Variants in PEX14 observed in about 807,000 individuals in gnomAD.
PEX14 encodes the protein peroxisomal membrane protein PEX14.
Under a neutral mutation model 49.5 loss-of-function variants are expected in PEX14, and 15 were observed. The observed-to-expected ratio is 0.30, with a 90% confidence interval of 0.20 to 0.47. The LOEUF (loss-of-function observed/expected upper bound fraction) is 0.47, where lower values mean the gene tolerates loss of function less well. PEX14 is among the 20% of genes least tolerant of loss of function. The probability of loss-of-function intolerance (pLI) is 1.00; values close to 1 mark genes in which losing one functional copy is unlikely to be tolerated. For missense variants in PEX14, 398 were observed against 494.8 expected, an observed-to-expected ratio of 0.80 and a Z score of 1.86; for synonymous variants, 210 against 212.7, an observed-to-expected ratio of 0.99 and a Z score of 0.11.
chr1:10,599,666 C>T (rs1355362314), intron 4 of PEX14, among the ~76,000 whole-genome samples: 1 of 152,240 alleles, frequency 6.6e-6, no homozygotes, highest in East Asian at 1.9e-4. Flanking sequence ...TTCCCATCTC[C>T]TCATACCAGT....
intron 1 of PEX14, among the ~76,000 whole-genome samples, chr1:10,478,367 C>G (rs923802461): frequency 6.6e-6 from 1 of 152,108 alleles, no homozygotes; most frequent in Non-Finnish European, 1.5e-5. Context: ...GACTACTTGT[C>G]TAGTAAAGTT....
Position 10,539,867 on chromosome 1 carries a change from G to A in PEX14, c.169+3570G>A, listed in dbSNP as rs567921658. Among the ~76,000 whole-genome samples, 2 of 151,488 alleles carry A rather than the reference G, an allele frequency of 1.3e-5. No homozygotes were observed. The highest frequency in any genetic ancestry group is 6.8e-3 in the Middle Eastern group (2 of 294). On this transcript the variant is annotated intron_variant, in intron 3 of 8. Coordinates refer to ENST00000356607, the MANE Select transcript of PEX14 (RefSeq NM_004565.3). This position sits in a 1 kb window ranked among gnomAD's most constrained non-coding sequence, Gnocchi z 4.6. The stretch of plus-strand genomic sequence containing the variant: ...CTTGTGAGGGGGGTGAGGTGGGGGA[G>A]GGGGATAGAGTTGTCTGTTAACTTA...
chr1:10,500,704 A>G (rs1029681058), intron 2 of PEX14, among the ~76,000 whole-genome samples: 26 of 152,194 alleles, frequency 1.7e-4, no homozygotes, highest in African/African-American at 6.3e-4. Flanking sequence ...TCTCCTGAGT[A>G]TCTGGGACTA....
intron 3 of PEX14, among the ~76,000 whole-genome samples, chr1:10,541,316 A>C (rs924110612): frequency 6.6e-6 from 1 of 152,150 alleles, no homozygotes; most frequent in Non-Finnish European, 1.5e-5. Context: ...AGTGAGAGCT[A>C]CCAGGGGAGA....
At chr1:10,502,418 C>G (rs1641697838) in intron 2 of PEX14, among the ~76,000 whole-genome samples, 1 of 152,178 alleles carries the variant, frequency 6.6e-6, no homozygotes, top group Non-Finnish European at 1.5e-5. Flanking sequence ...CCTACTCTGT[C>G]CTTCCTATCA....
rs1300013577 is a variant in PEX14, at chr1:10,593,956, C to T, written c.170-5282C>T. 4.6e-5 allele frequency among the ~76,000 whole-genome samples: 7 copies of T among 152,132 alleles called. No homozygotes were observed. The East Asian group carries it at 7.7e-4, about 17-fold the overall frequency. On this transcript the variant is annotated intron_variant, in intron 3 of 8. Transcript: ENST00000356607. Reference sequence around the variant, plus strand: ...AACACACTAACTCATAAACAAGGCCCGGCTGGATCAGGTGGCACGGAATAA... The same window carrying T: ...AACACACTAACTCATAAACAAGGCCTGGCTGGATCAGGTGGCACGGAATAA...
intron 1 of PEX14, among the ~76,000 whole-genome samples, chr1:10,481,209 C>G (rs1641278573): frequency 6.7e-6 from 1 of 149,210 alleles, no homozygotes; most frequent in African/African-American, 2.5e-5. Context: ...GCAATCTTGG[C>G]TCACTACAAC....
At chr1:10,577,523 A>G (rs1640155548) in intron 3 of PEX14, among the ~76,000 whole-genome samples, 1 of 71,216 alleles carries the variant, frequency 1.4e-5, no homozygotes, top group Non-Finnish European at 2.8e-5. Flanking sequence ...AATTTTGGAC[A>G]CTATACATAT....
intron 3 of PEX14, among the ~76,000 whole-genome samples, chr1:10,552,951 G>A (rs1359646050): frequency 6.6e-6 from 1 of 152,206 alleles, no homozygotes; most frequent in Non-Finnish European, 1.5e-5. Flanking sequence ...CCACTAAGGC[G>A]AGAGATCGAG....
At position 10,566,288 on chromosome 1, in the gene PEX14, A is replaced by G. The variant is rs573730077; in HGVS notation, c.169+29991A>G. 5.3e-5 allele frequency among the ~76,000 whole-genome samples: 8 copies of G among 152,328 alleles called. No individual in the cohort carries two copies. In the South Asian group the frequency reaches 1.4e-3, roughly 28 times the overall value. On this transcript the variant is annotated intron_variant, in intron 3 of 8. Transcript: ENST00000356607. ...TTATTTCCGTATCTACAAATTGACTATTCAGGTATTTTACCCTTTCTTGGG... is the reference window on the plus strand; with the variant it reads ...TTATTTCCGTATCTACAAATTGACTGTTCAGGTATTTTACCCTTTCTTGGG...
intron 3 of PEX14, among the ~76,000 whole-genome samples, chr1:10,588,766 G>T (rs1332606629): frequency 6.6e-6 from 1 of 152,118 alleles, no homozygotes; most frequent in Admixed American, 6.5e-5. Context: ...ACGTGCAAGA[G>T]TAGTGATGCT....
intron 1 of PEX14, among the ~76,000 whole-genome samples, chr1:10,488,237 A>G (rs1641406064): frequency 6.6e-6 from 1 of 151,266 alleles, no homozygotes; most frequent in Non-Finnish European, 1.5e-5. Flanking sequence ...GCTCTCTACA[A>G]CCTCCGCCTC....
At chr1:10,544,910 C>T (rs769787280) in intron 3 of PEX14, among the ~76,000 whole-genome samples, 23 of 152,086 alleles carry the variant, frequency 1.5e-4, no homozygotes, top group Non-Finnish European at 2.2e-4. Context: ...CACAGGCACA[C>T]GCCACCAAAC....
At chr1:10,503,281 CAAAAAAAAAA>C (rs59342388) in intron 2 of PEX14, among the ~76,000 whole-genome samples, 1 of 75,490 alleles carries the variant, frequency 1.3e-5, no homozygotes, top group Non-Finnish European at 2.3e-5. Context: ...GACTCTGTCT[CAAAAAAAAAA>C]AAAAAAAAAA....
intron 4 of PEX14, among the ~76,000 whole-genome samples, chr1:10,605,591 G>A (rs1641102741): frequency 6.6e-6 from 1 of 152,240 alleles, no homozygotes; most frequent in Non-Finnish European, 1.5e-5. Context: ...CCCGGGGCCA[G>A]GGTGGCCTGT....
intron 2 of PEX14, among the ~76,000 whole-genome samples, chr1:10,504,515 G>A (rs1219148947): frequency 6.6e-6 from 1 of 152,144 alleles, no homozygotes; most frequent in Non-Finnish European, 1.5e-5. Context: ...TCTCCTGTTT[G>A]TGTGCAGAGT....
chr1:10,486,586 G>A (rs1179012416), intron 1 of PEX14, among the ~76,000 whole-genome samples: 1 of 151,864 alleles, frequency 6.6e-6, no homozygotes, highest in African/African-American at 2.4e-5. Context: ...GGAGGCTGAG[G>A]CAGGAGGATG....
At position 10,495,104 on chromosome 1, in the gene PEX14, C is replaced by G; in HGVS notation, c.37-170C>G. On this transcript the variant is annotated intron_variant, in intron 1 of 8. Coordinates refer to ENST00000356607, the MANE Select transcript of PEX14 (RefSeq NM_004565.3). This position sits in a 1 kb window ranked among gnomAD's most constrained non-coding sequence, Gnocchi z 4.2. ...CCCTGGTGAATTCAGACTCTTTGGG[C>G]TACTTTTTACAGGTAGTCCACTGCA... 3.0e-6 allele frequency: 3 copies of G among 984,940 alleles called. No individual in the cohort carries two copies. Among genetic ancestry groups the G allele is most frequent in the South Asian group, 4.7e-5 (1 of 21,276 alleles). The allele number at this position is 984,940 out of a possible 1,614,324, so 61.0% of individuals were successfully genotyped here.
chr1:10,629,942 G>T lies in PEX14; in HGVS notation c.1089G>T (p.Lys363Asn), dbSNP rs1179531192. 1 of 1,612,326 alleles carries T rather than the reference G, an allele frequency of 6.2e-7. No individual in the cohort carries two copies. The highest frequency in any genetic ancestry group is 2.2e-5 in the East Asian group (1 of 44,816). ...GDGQINEQVE[K>N]LRRPEGASNE... is the part of the protein sequence containing the mutation. ...GGCAGATCAACGAGCAGGTGGAGAA[G>T]CTGCGGCGGCCCGAGGGCGCCAGCA... Residue 363 changes from lysine (K) to asparagine (N), a missense_variant, in exon 9 of 9, where the codon AAG becomes AAT. This residue lies in a region of PEX14 where 140 missense variants were observed against 155.5 expected (regional missense o/e 0.90). Transcript: ENST00000356607. This position sits in a 1 kb window ranked among gnomAD's most constrained non-coding sequence, Gnocchi z 8.5.
Sources: gnomAD v4.1 joint callset for allele counts (sites outside exome capture counted in the v4.1 genomes callset) on GRCh38, gnomAD v4.1.1 for gene constraint, gnomAD v4.1.1 regional missense constraint, Gnocchi (gnomAD v3.1) non-coding constraint, MANE v1.5 for transcripts, NCBI Gene and HGNC (gene_info 2026-07-23, HGNC 2026-07-21) for gene names.